The following NOTCH3 variants were observed in gnomAD, a reference collection of about 807,000 sequenced individuals.
NOTCH3 encodes neurogenic locus notch homolog protein 3.
In NOTCH3, 86 loss-of-function variants were observed where a neutral mutation model predicts 213.3. That is an observed-to-expected ratio of 0.40 (90% confidence interval 0.34 to 0.48). NOTCH3 has a LOEUF of 0.48. NOTCH3 is among the 20% of genes least tolerant of loss of function. The pLI is 0.57. For synonymous variants in NOTCH3, 1,354 were observed against 1,355.9 expected (o/e 1.00, Z 0.03); for missense variants, 2,783 against 3,272.6 (o/e 0.85, Z 3.65).
In NOTCH3 at chr19:15,167,999, G is replaced by A. The variant is rs142504448; in HGVS notation, c.5200-588C>T. 1.9e-3 allele frequency among the ~76,000 whole-genome samples: 293 copies of A among 151,276 alleles called. 1 individual carries two copies. The highest frequency in any genetic ancestry group is 6.7e-3 in the African/African-American group (278 of 41,204). ...GTCACTCAGGCTGGAGTGCAGTGCT[G>A]CAATCATACCTCACTGCAGCCTCAA... On this transcript the variant is annotated intron_variant, in intron 28 of 32. Transcript: ENST00000263388.
chr19:15,187,125 C>A lies in NOTCH3; in HGVS notation c.1820G>T (p.Arg607Leu), dbSNP rs747661515. 6.2e-7 allele frequency: 1 copy of A among 1,614,064 alleles called. No homozygotes were observed. Among genetic ancestry groups the A allele is most frequent in the Non-Finnish European group, 8.5e-7 (1 of 1,179,994 alleles). ...CCCACCTGTGGTCCCAGAAGGGCAG[C>A]GGCAGAGGTACTTGTCCACCAGGTC... ...CLDLVDKYLC[R>L]CPSGTTGVNC... Residue 607 changes from arginine (R) to leucine (L), a missense_variant, in exon 11 of 33, where the codon CGC becomes CTC. Coordinates refer to ENST00000263388, the MANE Select transcript of NOTCH3 (RefSeq NM_000435.3).
At chr19:15,199,428 G>A (rs1478428135) in intron 1 of NOTCH3, among the ~76,000 whole-genome samples, 1 of 152,192 alleles carries the variant, frequency 6.6e-6, no homozygotes, top group Non-Finnish European at 1.5e-5. Flanking sequence ...TGGGTTGGCT[G>A]TGTCTGTCCA....
Position 15,170,738 on chromosome 19 carries a change from A to C in NOTCH3, c.4824T>G (p.Ala1608=). The change falls in exon 26 of 33, where the codon GCT becomes GCG. Residue 1608 remains alanine, a synonymous_variant. Coordinates refer to ENST00000263388, the MANE Select transcript of NOTCH3 (RefSeq NM_000435.3). ...CCGCTGACAACGCTCCCAGGTAGTC[A>C]GCGGCGCTCTGGGCATCGGGGAAGC... ...DHCFPDAQSA[A]DYLGALSAVE... is the part of the protein sequence containing the mutation. 6.2e-7 allele frequency: 1 copy of C among 1,609,910 alleles called. No individual in the cohort carries two copies. The highest frequency in any genetic ancestry group is 8.5e-7 in the Non-Finnish European group (1 of 1,178,622).
At chr19:15,178,255 C>A (rs2046809192) in intron 23 of NOTCH3, 165 bp from the exon 24 acceptor site, 1 of 547,362 alleles carries the variant, frequency 1.8e-6, no homozygotes. Context: ...TCCCCATGTC[C>A]CACCCAACCG....
Position 15,161,414 on chromosome 19 carries a change from G to C in NOTCH3, c.6214C>G (p.Leu2072Val), listed in dbSNP as rs1433968843. Residue 2072 changes from leucine to valine, a missense_variant, in exon 33 of 33, where the codon CTG (leucine) becomes GTG (valine). By Grantham distance (32) the Leu-to-Val change is conservative. Transcript: ENST00000263388. Reference sequence around the variant, plus strand: ...CGCCCCCGGGGCCCCTGCGGCCCCAGCCCCGCCTTCCCGGGGGGCCTCCTG... The same window carrying C: ...CGCCCCCGGGGCCCCTGCGGCCCCACCCCCGCCTTCCCGGGGGGCCTCCTG... Reference protein sequence around the residue: ...KSRRPPGKAGLGPQGPRGRGK... With the variant: ...KSRRPPGKAGVGPQGPRGRGK... 2.6e-6 allele frequency: 4 copies of C among 1,528,780 alleles called. No homozygotes were observed. The highest frequency in any genetic ancestry group is 4.9e-5 in the East Asian group (2 of 40,726). The allele number at this position is 1,528,780 out of a possible 1,614,324, so 94.7% of individuals were successfully genotyped here.
At position 15,180,795 on chromosome 19, in the gene NOTCH3, G is replaced by T; in HGVS notation, c.3028C>A (p.Gln1010Lys). The change falls in exon 19 of 33, where the codon CAA (glutamine) becomes AAA (lysine). Residue 1010 changes from glutamine to lysine, a missense_variant. Transcript: ENST00000263388. ...LVDWCSRQPC[Q>K]NGGRCVQTGA... ...GTCTGGACGCAGCGACCCCCGTTTT[G>T]ACAAGGCTGGCGGCTGCACCAATCC... The T allele has an allele frequency of 6.2e-7, 1 of 1,611,276 alleles. No individual in the cohort carries two copies.
intron 28 of NOTCH3, 71 bp downstream of exon 28, chr19:15,170,015 C>A: frequency 1.2e-6 from 1 of 856,028 alleles, no homozygotes; most frequent in Non-Finnish European, 1.9e-6. Context: ...CCATCATCCA[C>A]TGGGGACCCC....
rs971945734 is a variant in NOTCH3, at chr19:15,185,764, C to G, written c.1952-85G>C. 3.0e-6 allele frequency: 4 copies of G among 1,319,698 alleles called. No individual in the cohort carries two copies. Among genetic ancestry groups the G allele is most frequent in the Admixed American group, 3.5e-5 (2 of 56,914 alleles). 81.7% of individuals were successfully genotyped at this position (1,319,698 alleles called of 1,614,324 possible). On this transcript the variant is annotated intron_variant, in intron 12 of 32. Coordinates refer to ENST00000263388, the MANE Select transcript of NOTCH3 (RefSeq NM_000435.3). This position sits in a 1 kb window ranked among gnomAD's most constrained non-coding sequence, Gnocchi z 4.2. ...GACGACGTGACCCCACTTAGCACAC[C>G]CACACCCCCGAGCAATGACCTCTTT...
In NOTCH3 at chr19:15,178,810, CACCCACACCT is replaced by C; in HGVS notation, c.3837+3_3837+12del. On this transcript the variant is annotated splice_donor_5th_base_variant and intron_variant, in intron 23 of 32. Coordinates refer to ENST00000263388, the MANE Select transcript of NOTCH3 (RefSeq NM_000435.3). Reference sequence around the variant, plus strand: ...CCCCTACTCCTCCTCCAAAGGCCGCCACCCACACCTACCTGGGCACAGTGACAGGTGAAGG... The same window carrying C: ...CCCCTACTCCTCCTCCAAAGGCCGCCACCTGGGCACAGTGACAGGTGAAGG... 1 of 1,577,966 alleles carries C rather than the reference CACCCACACCT, an allele frequency of 6.3e-7. No individual in the cohort carries two copies. The highest frequency in any genetic ancestry group is 8.6e-7 in the Non-Finnish European group (1 of 1,158,872).
Position 15,184,955 on chromosome 19 carries a change from C to A in NOTCH3, c.2361G>T (p.Glu787Asp). 1 of 1,549,164 alleles carries A rather than the reference C, an allele frequency of 6.5e-7. No individual in the cohort carries two copies. Among genetic ancestry groups the A allele is most frequent in the Non-Finnish European group, 8.7e-7 (1 of 1,145,818 alleles). Residue 787 changes from glutamate (E) to aspartate (D), a missense_variant, in exon 15 of 33, where the codon GAG (glutamate) becomes GAT (aspartate). By Grantham distance (45) the Glu-to-Asp change is conservative (BLOSUM62 2). Coordinates refer to ENST00000263388, the MANE Select transcript of NOTCH3 (RefSeq NM_000435.3). ...AGACAGGCAGCTGGCCAGGGGCAGACTCGCAGCGGCCCCCATGCTCACAGG... is the reference window on the plus strand; with the variant it reads ...AGACAGGCAGCTGGCCAGGGGCAGAATCGCAGCGGCCCCCATGCTCACAGG... The part of the protein sequence containing the change: ...PNPCEHGGRC[E>D]SAPGQLPVCS...
At position 15,160,699 on chromosome 19, in the gene NOTCH3, T is replaced by C. The variant is rs1186230309; in HGVS notation, c.6929A>G (p.Gln2310Arg). ...TTGCCTCTTGGGGGTAACTTCCGGC[T>C]GGGGCCCCAGCTGGGTCTGGGCCTG... ...LAQAQTQLGPQPEVTPKRQVL... is the reference protein window; with the variant it reads ...LAQAQTQLGPRPEVTPKRQVL... Residue 2310 changes from glutamine to arginine, a missense_variant, in exon 33 of 33, where the codon CAG becomes CGG. Coordinates refer to ENST00000263388, the MANE Select transcript of NOTCH3 (RefSeq NM_000435.3). 2 of 1,614,004 alleles carry C rather than the reference T, an allele frequency of 1.2e-6. No homozygotes were observed. The highest frequency in any genetic ancestry group is 2.7e-5 in the African/African-American group (2 of 74,894).
At chr19:15,174,660 A>C (rs2046773025) in intron 24 of NOTCH3, among the ~76,000 whole-genome samples, 1 of 149,270 alleles carries the variant, frequency 6.7e-6, no homozygotes, top group African/African-American at 2.5e-5. Flanking sequence ...TGCAGCCTCC[A>C]CCTCCCCGGT....
rs186300168 is a variant in NOTCH3, at chr19:15,177,536, C to A, written c.4392G>T (p.Glu1464Asp). 1 of 1,609,932 alleles carries A rather than the reference C, an allele frequency of 6.2e-7. No individual in the cohort carries two copies. Among genetic ancestry groups the A allele is most frequent in the South Asian group, 1.1e-5 (1 of 90,346 alleles). The change falls in exon 24 of 33, where the codon GAG becomes GAT. Residue 1464 changes from glutamate to aspartate, a missense_variant. Glu to Asp is a conservative substitution (Grantham distance 45). Transcript: ENST00000263388. ...GTGGATGGGCTCACTTGCAAGTGCG[C>A]TCGCGGCCACCGGCGTGGCAGTCGA... is the stretch of plus-strand genomic sequence containing the variant. ...DNFDCHAGGR[E>D]RTCNPVYEKY... is the part of the protein sequence containing the mutation.
rs2145417547 is a variant in NOTCH3, at chr19:15,179,095, C to T, written c.3648G>A (p.Ala1216=). 3.7e-6 allele frequency: 6 copies of T among 1,614,188 alleles called. No homozygotes were observed. Among genetic ancestry groups the T allele is most frequent in the African/African-American group, 1.3e-5 (1 of 75,068 alleles). Residue 1216 remains alanine, a synonymous_variant, in exon 22 of 33, where the codon GCG becomes GCA. Coordinates refer to ENST00000263388, the MANE Select transcript of NOTCH3 (RefSeq NM_000435.3). ...INECRSGACH[A]AHTRDCLQDP... ...CCTGCAGGCAGTCCCGGGTGTGTGC[C>T]GCGTGGCAGGCACCTGAGCGACACT... is the stretch of plus-strand genomic sequence containing the variant.
chr19:15,185,134 C>T lies in NOTCH3; in HGVS notation c.2297-115G>A. ...CACCTTGATACCCACCTCCCAAGCT[C>T]CTGGAGGGAAATGATTGAAAGCAAA... is the stretch of plus-strand genomic sequence containing the variant. On this transcript the variant is annotated intron_variant, in intron 14 of 32. Transcript: ENST00000263388. This position sits in a 1 kb window ranked among gnomAD's most constrained non-coding sequence, Gnocchi z 4.2. The T allele has an allele frequency of 7.2e-7, 1 of 1,392,588 alleles. No homozygotes were observed. The highest frequency in any genetic ancestry group is 1.0e-6 in the Non-Finnish European group (1 of 997,912). 86.3% of individuals were successfully genotyped at this position (1,392,588 alleles called of 1,614,324 possible). A position where few individuals can be genotyped will look rare whatever the true frequency, so the allele number is the denominator to read the frequency against.
At chr19:15,181,210 G>C (rs764820477) in intron 17 of NOTCH3, 48 bp from the exon 18 acceptor site, 46 of 1,522,206 alleles carry the variant, frequency 3.0e-5, no homozygotes, top group African/African-American at 4.1e-5. Flanking sequence ...CCCCCTCACA[G>C]GCCCTGCCCT....
At chr19:15,177,100 T>G (rs2046797204) in intron 24 of NOTCH3, among the ~76,000 whole-genome samples, 1 of 115,888 alleles carries the variant, frequency 8.6e-6, no homozygotes. Context: ...AAAAAGGAAT[T>G]CGGCTGGGCA....
Position 15,192,049 on chromosome 19 carries a change from G to C in NOTCH3, c.590C>G (p.Pro197Arg). 6.2e-7 allele frequency: 1 copy of C among 1,613,140 alleles called. No individual in the cohort carries two copies. Among genetic ancestry groups the C allele is most frequent in the Non-Finnish European group, 8.5e-7 (1 of 1,179,980 alleles). ...TGGTGAGGGTGCACAGGGCACCGCG[G>C]GGTTCTCACATAGTGGCCCTGTGTA... ...AGYTGPLCEN[P>R]AVPCAPSPCR... is the part of the protein sequence containing the mutation. Residue 197 changes from proline to arginine, a missense_variant, in exon 4 of 33, where the codon CCC becomes CGC. Physicochemically the swap from Pro to Arg is moderately radical, Grantham distance 103. Coordinates refer to ENST00000263388, the MANE Select transcript of NOTCH3 (RefSeq NM_000435.3).
Position 15,181,717 on chromosome 19 carries a change from C to CATCGTGGGCCGGCGA in NOTCH3, c.2636_2650dup (p.Phe879_Arg883dup), listed in dbSNP as rs1262179460. On this transcript the variant is annotated inframe_insertion, in exon 17 of 33. Coordinates refer to ENST00000263388, the MANE Select transcript of NOTCH3 (RefSeq NM_000435.3). ...CAGGCACTCATCCACATCGCGGGCGCATCGTGGGCCGGCGAAACCAGGGAG... is the reference window on the plus strand; with the variant it reads ...CAGGCACTCATCCACATCGCGGGCGCATCGTGGGCCGGCGAATCGTGGGCCGGCGAAACCAGGGAG... 1.9e-6 allele frequency: 3 copies of CATCGTGGGCCGGCGA among 1,570,156 alleles called. No homozygotes were observed. Among genetic ancestry groups the CATCGTGGGCCGGCGA allele is most frequent in the African/African-American group, 1.3e-5 (1 of 74,108 alleles).
Sources: allele counts gnomAD v4.1 joint callset (sites outside exome capture counted in the v4.1 genomes callset), GRCh38; gene constraint gnomAD v4.1.1; non-coding constraint Gnocchi (gnomAD v3.1); transcripts MANE v1.5; gene names NCBI Gene and HGNC (gene_info 2026-07-23, HGNC 2026-07-21).